Variants in VRK2 observed in about 807,000 individuals in gnomAD.
The protein encoded by VRK2 is serine/threonine-protein kinase VRK2.
A neutral mutation model predicts 57.6 loss-of-function variants in VRK2; 60 were observed. The ratio of observed to expected loss-of-function variants is 1.04; its 90% CI spans 0.85 to 1.29. VRK2 has a LOEUF of 1.29. VRK2 is among the 50% of genes most tolerant of loss of function. The probability of loss-of-function intolerance (pLI) is 0.00; values close to 1 mark genes in which losing one functional copy is unlikely to be tolerated. For missense variants in VRK2, 705 were observed against 588.1 expected, an observed-to-expected ratio of 1.20 and a Z score of -2.06; for synonymous variants, 231 against 199.2, an observed-to-expected ratio of 1.16 and a Z score of -1.35.
At chr2:57,918,878 A>C (rs1317347428) in intron 1 of VRK2, among the ~76,000 whole-genome samples, 2 of 152,130 alleles carry the variant, frequency 1.3e-5, no homozygotes, top group Non-Finnish European at 1.5e-5. Flanking sequence ...AATGCTGATT[A>C]ATGCTGATCT....
At chr2:58,096,419 C>G (rs1237296787) in intron 7 of VRK2, among the ~76,000 whole-genome samples, 1 of 151,902 alleles carries the variant, frequency 6.6e-6, no homozygotes, top group Non-Finnish European at 1.5e-5. Context: ...TGATTCTCTA[C>G]TTTTTTCAGA....
intron 10 of VRK2, among the ~76,000 whole-genome samples, chr2:58,136,907 A>ATATATTATATATCATATATAT (rs70954877): frequency 7.8e-6 from 1 of 127,592 alleles, no homozygotes; most frequent in Non-Finnish European, 1.5e-5. Context: ...TATATATCAT[A>ATATATTATATATCATATATAT]TATATATCAT....
chr2:58,154,827 C>T, intron 12 of VRK2: 1 of 711,320 alleles, frequency 1.4e-6, no homozygotes, highest in Non-Finnish European at 2.6e-6. Flanking sequence ...CTATAAGTGT[C>T]CTGCTAAACC....
chr2:57,975,843 G>A (rs1429639268), intron 1 of VRK2, among the ~76,000 whole-genome samples: 1 of 151,608 alleles, frequency 6.6e-6, no homozygotes, highest in African/African-American at 2.4e-5. Flanking sequence ...ACTGGGGTTT[G>A]ATATGCAAAT....
intron 1 of VRK2, among the ~76,000 whole-genome samples, chr2:57,968,292 A>T (rs1046268139): frequency 1.3e-5 from 2 of 152,088 alleles, no homozygotes; most frequent in South Asian, 4.1e-4. Flanking sequence ...AACTATAAAT[A>T]ATAAGAATAA....
chr2:58,087,297 C>T (rs545246928), intron 5 of VRK2, among the ~76,000 whole-genome samples: 1 of 152,108 alleles, frequency 6.6e-6, no homozygotes, highest in Admixed American at 6.5e-5. Context: ...AAAAAATGAG[C>T]AAACAGTAAT....
At chr2:57,917,742 GT>G (rs1326874636) in intron 1 of VRK2, among the ~76,000 whole-genome samples, 3 of 151,608 alleles carry the variant, frequency 2.0e-5, no homozygotes, top group Admixed American at 2.0e-4. Flanking sequence ...TACTTTAATG[GT>G]TAAGAGAGGG....
intron 1 of VRK2, among the ~76,000 whole-genome samples, chr2:57,931,615 AG>A (rs1553362648): frequency 1.3e-5 from 2 of 152,100 alleles, no homozygotes; most frequent in Non-Finnish European, 2.9e-5. Flanking sequence ...GAAATGTATT[AG>A]TTCGATATAG....
At chr2:57,977,181 GC>G (rs1454606691) in intron 1 of VRK2, among the ~76,000 whole-genome samples, 1 of 152,076 alleles carries the variant, frequency 6.6e-6, no homozygotes, top group Admixed American at 6.6e-5. Context: ...ATTTAGGATT[GC>G]TTTGGCTATT....
intron 2 of VRK2, among the ~76,000 whole-genome samples, chr2:58,053,618 G>T (rs1473639724): frequency 6.6e-6 from 1 of 152,034 alleles, no homozygotes; most frequent in Non-Finnish European, 1.5e-5. Flanking sequence ...TAAATAGTGA[G>T]CTATAATAGA....
At chr2:58,095,650 G>C (rs1448846761) in intron 7 of VRK2, among the ~76,000 whole-genome samples, 1 of 151,960 alleles carries the variant, frequency 6.6e-6, no homozygotes, top group Non-Finnish European at 1.5e-5. Flanking sequence ...TTGTGGTTCA[G>C]AGTGGTTTTA....
At chr2:58,090,758 G>C (rs1672265771) in intron 7 of VRK2, among the ~76,000 whole-genome samples, 1 of 152,168 alleles carries the variant, frequency 6.6e-6, no homozygotes, top group South Asian at 2.1e-4. Flanking sequence ...ACCTGCACGT[G>C]AATGCTTGTA....
chr2:58,031,130 G>A (rs1340170197), intron 2 of VRK2, among the ~76,000 whole-genome samples: 2 of 152,034 alleles, frequency 1.3e-5, no homozygotes, highest in Non-Finnish European at 2.9e-5. Flanking sequence ...GTTACTTTAT[G>A]CTGCTAAGTT....
intron 1 of VRK2, among the ~76,000 whole-genome samples, chr2:58,011,167 T>C (rs538379243): frequency 1.1e-4 from 17 of 152,302 alleles, no homozygotes; most frequent in East Asian, 7.7e-4. Context: ...GAGAAGACAA[T>C]TGAAGTCACT....
At chr2:58,074,754 A>G (rs1258221006) in intron 2 of VRK2, among the ~76,000 whole-genome samples, 1 of 152,076 alleles carries the variant, frequency 6.6e-6, no homozygotes, top group Non-Finnish European at 1.5e-5. Context: ...TAACAGGTAT[A>G]TTATTTTCCT....
At chr2:58,022,591 C>T (rs901060639) in intron 1 of VRK2, among the ~76,000 whole-genome samples, 17 of 152,174 alleles carry the variant, frequency 1.1e-4, no homozygotes, top group African/African-American at 3.9e-4. Flanking sequence ...AATTCATATA[C>T]TGTGCTGCCC....
At chr2:58,087,630 C>G (rs1191291918) in intron 5 of VRK2, among the ~76,000 whole-genome samples, 1 of 152,012 alleles carries the variant, frequency 6.6e-6, no homozygotes, top group East Asian at 1.9e-4. Context: ...AAGAAGTGCA[C>G]TTAAAGACAT....
intron 2 of VRK2, among the ~76,000 whole-genome samples, chr2:58,027,590 CAG>C (rs771080649): frequency 3.0e-4 from 45 of 152,130 alleles, no homozygotes; most frequent in Non-Finnish European, 5.6e-4. Flanking sequence ...AGGGGGACTG[CAG>C]AGTTTAAAAA....
chr2:57,990,371 T>A (rs1464669237), intron 1 of VRK2, among the ~76,000 whole-genome samples: 1 of 152,210 alleles, frequency 6.6e-6, no homozygotes, highest in Non-Finnish European at 1.5e-5. Context: ...CCATAGACAG[T>A]GCAACAGATA....
Sources: gnomAD v4.1 joint callset for allele counts (sites outside exome capture counted in the v4.1 genomes callset) on GRCh38, gnomAD v4.1.1 for gene constraint, MANE v1.5 for transcripts, NCBI Gene and HGNC (gene_info 2026-07-23, HGNC 2026-07-21) for gene names.